Variants in LGR5 observed in about 807,000 individuals in gnomAD.
The protein encoded by LGR5 is leucine-rich repeat-containing G protein-coupled receptor 5.
A neutral mutation model predicts 76.7 loss-of-function variants in LGR5; 54 were observed. The ratio of observed to expected loss-of-function variants is 0.70; its 90% CI spans 0.57 to 0.88. The LOEUF (loss-of-function observed/expected upper bound fraction) is 0.88, where lower values mean the gene tolerates loss of function less well. Ranked by LOEUF, LGR5 falls within the 40% of genes least tolerant of loss-of-function variation. LGR5 has a pLI of 0.00. For synonymous variants in LGR5, 406 were observed against 421.9 expected, an observed-to-expected ratio of 0.96 and a Z score of 0.46; for missense variants, 1,078 against 1,073.3, an observed-to-expected ratio of 1.00 and a Z score of -0.06.
intron 4 of LGR5, among the ~76,000 whole-genome samples, chr12:71,545,626 T>C (rs1012594008): frequency 3.9e-5 from 6 of 152,124 alleles, no homozygotes; most frequent in Non-Finnish European, 7.4e-5. Context: ...ATGTTAATAA[T>C]TGACATTATT....
At chr12:71,481,354 T>G (rs898774999) in intron 1 of LGR5, among the ~76,000 whole-genome samples, 2 of 152,190 alleles carry the variant, frequency 1.3e-5, no homozygotes, top group Admixed American at 1.3e-4. Flanking sequence ...GTGTTTGGTT[T>G]TCTGATGTTG....
intron 8 of LGR5, 102 bp downstream of exon 8, chr12:71,561,954 A>G: frequency 1.4e-6 from 1 of 708,076 alleles, no homozygotes; most frequent in Non-Finnish European, 2.3e-6. Flanking sequence ...GTTTTGTCTT[A>G]GTCAATCTAA....
At chr12:71,578,084 C>A (rs1878936038) in intron 14 of LGR5, 88 bp downstream of exon 14, 2 of 999,558 alleles carry the variant, frequency 2.0e-6, no homozygotes, top group Non-Finnish European at 3.2e-6. Context: ...GTTGAAGAAG[C>A]TGGATATGCA....
intron 1 of LGR5, among the ~76,000 whole-genome samples, chr12:71,463,120 G>T (rs898009291): frequency 6.6e-6 from 1 of 152,154 alleles, no homozygotes; most frequent in African/African-American, 2.4e-5. Context: ...ATATTTGAGT[G>T]CATTTATACT....
chr12:71,492,924 C>A (rs774799070), intron 1 of LGR5, among the ~76,000 whole-genome samples: 27 of 151,204 alleles, frequency 1.8e-4, no homozygotes, highest in Non-Finnish European at 3.4e-4. Context: ...AAATGTTCAA[C>A]CATGATGACT....
intron 8 of LGR5, among the ~76,000 whole-genome samples, chr12:71,564,659 A>ATACGTATC (rs1878225409): frequency 2.0e-5 from 3 of 148,360 alleles, no homozygotes; most frequent in Admixed American, 6.8e-5. Context: ...ATATACATAT[A>ATACGTATC]TGTACACACA....
intron 2 of LGR5, among the ~76,000 whole-genome samples, chr12:71,523,601 T>A (rs1875831161): frequency 6.6e-6 from 1 of 152,248 alleles, no homozygotes. Context: ...TTGTTGTTTT[T>A]GCATTTTTCA....
At chr12:71,548,982 A>G (rs989995931) in intron 4 of LGR5, among the ~76,000 whole-genome samples, 15 of 152,218 alleles carry the variant, frequency 9.9e-5, no homozygotes, top group African/African-American at 3.6e-4. Flanking sequence ...GTCTTCTTGT[A>G]CCAGATAGTG....
chr12:71,504,816 G>A (rs1874779919), intron 2 of LGR5, 131 bp downstream of exon 2: 4 of 786,026 alleles, frequency 5.1e-6, no homozygotes, highest in Non-Finnish European at 9.1e-6. Flanking sequence ...TTCAGAACAT[G>A]AGGAAACACT....
At chr12:71,581,149 A>C (rs1879075093) in intron 16 of LGR5, among the ~76,000 whole-genome samples, 1 of 152,218 alleles carries the variant, frequency 6.6e-6, no homozygotes, top group African/African-American at 2.4e-5. Flanking sequence ...GCCTGGAAGG[A>C]TTGAAAGATA....
intron 1 of LGR5, among the ~76,000 whole-genome samples, chr12:71,458,098 G>A (rs999750326): frequency 6.6e-6 from 1 of 151,810 alleles, no homozygotes; most frequent in Non-Finnish European, 1.5e-5. Flanking sequence ...ACGGGATTTT[G>A]TTTCTTAAAA....
chr12:71,518,669 TA>T (rs1210274486), intron 2 of LGR5, among the ~76,000 whole-genome samples: 7 of 152,198 alleles, frequency 4.6e-5, no homozygotes, highest in Non-Finnish European at 7.4e-5. Flanking sequence ...TATTCAGCCA[TA>T]AAAAAGAACA....
At chr12:71,527,424 A>G (rs961905599) in intron 3 of LGR5, among the ~76,000 whole-genome samples, 1 of 152,160 alleles carries the variant, frequency 6.6e-6, no homozygotes, top group Admixed American at 6.6e-5. Context: ...TCTGCTTCCA[A>G]GATGGCATCT....
At chr12:71,478,054 T>C (rs1873418198) in intron 1 of LGR5, among the ~76,000 whole-genome samples, 1 of 152,216 alleles carries the variant, frequency 6.6e-6, no homozygotes, top group African/African-American at 2.4e-5. Flanking sequence ...TTCTCTTGCA[T>C]CTTTTCTTAG....
intron 1 of LGR5, among the ~76,000 whole-genome samples, chr12:71,493,123 T>C (rs6582035): frequency 0.58 from 88,141 of 151,026 alleles, 26,801 homozygotes; most frequent in East Asian, 0.85. Flanking sequence ...CTAATTTATT[T>C]CTTTTTATTT....
chr12:71,577,167 G>A (rs980404988), intron 13 of LGR5, among the ~76,000 whole-genome samples: 1 of 152,116 alleles, frequency 6.6e-6, no homozygotes, highest in East Asian at 1.9e-4. Flanking sequence ...CTACATCTTA[G>A]TTACCATTGT....
intron 4 of LGR5, among the ~76,000 whole-genome samples, chr12:71,546,721 T>A (rs546009905): frequency 1.3e-5 from 2 of 152,302 alleles, no homozygotes; most frequent in South Asian, 4.2e-4. Context: ...GTGACCTTTC[T>A]ACAGCACATG....
At chr12:71,491,155 T>C (rs1373533254) in intron 1 of LGR5, among the ~76,000 whole-genome samples, 3 of 149,632 alleles carry the variant, frequency 2.0e-5, no homozygotes, top group Non-Finnish European at 4.5e-5. Context: ...TCCCCAGCCA[T>C]ATGGAACTGT....
At chr12:71,528,891 G>A (rs1431570212) in intron 3 of LGR5, among the ~76,000 whole-genome samples, 1 of 152,164 alleles carries the variant, frequency 6.6e-6, no homozygotes, top group East Asian at 1.9e-4. Flanking sequence ...GCCTTTTAAA[G>A]TACTGGGGAA....
Sources: allele counts gnomAD v4.1 joint callset (sites outside exome capture counted in the v4.1 genomes callset), GRCh38; gene constraint gnomAD v4.1.1; transcripts MANE v1.5; gene names NCBI Gene and HGNC (gene_info 2026-07-23, HGNC 2026-07-21).